Variants in DAB1 observed in about 807,000 individuals in gnomAD.
The protein encoded by DAB1 is disabled homolog 1.
A neutral mutation model predicts 64.6 loss-of-function variants in DAB1; 15 were observed. That is an observed-to-expected ratio of 0.23 (90% CI 0.16 to 0.36). The LOEUF is 0.36. DAB1 is among the 10% of genes least tolerant of loss of function. The pLI, the probability that DAB1 is intolerant of heterozygous loss-of-function variation, is 1.00. For synonymous variants in DAB1, 235 were observed against 251.9 expected (o/e 0.93, Z 0.64); for missense variants, 596 against 706.7 (o/e 0.84, Z 1.78).
intron 5 of DAB1, among the ~76,000 whole-genome samples, chr1:58,004,190 A>T (rs1219536761): frequency 6.6e-6 from 1 of 152,182 alleles, no homozygotes; most frequent in Non-Finnish European, 1.5e-5. Flanking sequence ...TCTTACATTT[A>T]TTCTTCACAG....
In DAB1 at chr1:58,196,794, A is replaced by C. The variant is rs145967780; in HGVS notation, n.310-46206T>G. Among the ~76,000 whole-genome samples, 69 of 152,236 alleles carry C rather than the reference A, an allele frequency of 4.5e-4. 1 individual carries two copies. The highest frequency in any genetic ancestry group is 1.5e-3 in the African/African-American group (64 of 41,536). ...CGGGGGAAACCACCCCCATGATCCA[A>C]TCATCTCCCACCAGATTCCTCCCTG... On this transcript the variant is annotated intron_variant and non_coding_transcript_variant, in intron 4 of 20. Coordinates refer to the DAB1 transcript ENST00000485760.
At chr1:57,794,186 T>C (rs1650732259) in intron 6 of DAB1, among the ~76,000 whole-genome samples, 1 of 152,220 alleles carries the variant, frequency 6.6e-6, no homozygotes, top group African/African-American at 2.4e-5. Flanking sequence ...AGATTTGGGT[T>C]GCTGGTTGCT....
At chr1:58,169,414 CAT>C (rs1656041078) in intron 4 of DAB1, among the ~76,000 whole-genome samples, 1 of 152,128 alleles carries the variant, frequency 6.6e-6, no homozygotes, top group African/African-American at 2.4e-5. Context: ...AAATGGGAAA[CAT>C]TCAGGCATCA....
At chr1:58,323,049 T>A (rs1482763937) in intron 4 of DAB1, among the ~76,000 whole-genome samples, 1 of 149,540 alleles carries the variant, frequency 6.7e-6, no homozygotes, top group South Asian at 2.1e-4. Context: ...ATGAGAACAC[T>A]TGGGCACAGG....
intron 7 of DAB1, among the ~76,000 whole-genome samples, chr1:57,529,363 G>C (rs978453105): frequency 1.3e-5 from 2 of 152,008 alleles, no homozygotes; most frequent in African/African-American, 4.8e-5. Context: ...CAAGATGAAA[G>C]ATTTAAATCC....
chr1:58,403,933 T>C (rs184546771), intron 3 of DAB1, among the ~76,000 whole-genome samples: 11 of 152,310 alleles, frequency 7.2e-5, no homozygotes, highest in Middle Eastern at 3.4e-3. Flanking sequence ...GTGAACAGAA[T>C]AGTAGAAAAG....
intron 7 of DAB1, among the ~76,000 whole-genome samples, chr1:57,600,103 C>T (rs1026210522): frequency 6.6e-6 from 1 of 152,088 alleles, no homozygotes; most frequent in Non-Finnish European, 1.5e-5. Flanking sequence ...GTCTCTGTGC[C>T]CCCTTAGTGA....
intron 7 of DAB1, among the ~76,000 whole-genome samples, chr1:57,459,607 T>G (rs1686712913): frequency 6.6e-6 from 1 of 152,190 alleles, no homozygotes; most frequent in African/African-American, 2.4e-5. Flanking sequence ...TCTTGGACAT[T>G]AAACTAGAAG....
chr1:57,209,353 C>A (rs2100322144), intron 2 of DAB1, among the ~76,000 whole-genome samples: 1 of 152,320 alleles, frequency 6.6e-6, no homozygotes, highest in Middle Eastern at 3.4e-3. Flanking sequence ...TAAAAATATG[C>A]TCTTCCGCTG....
intron 5 of DAB1, among the ~76,000 whole-genome samples, chr1:57,917,715 G>A (rs1644748198): frequency 6.6e-6 from 1 of 152,104 alleles, no homozygotes; most frequent in South Asian, 2.1e-4. Flanking sequence ...TGTCCTTAAA[G>A]TCTTTAAAGT....
At chr1:57,179,513 T>C (rs1250553928) in intron 2 of DAB1, among the ~76,000 whole-genome samples, 2 of 152,224 alleles carry the variant, frequency 1.3e-5, no homozygotes, top group Admixed American at 6.5e-5. Context: ...CAGATGCACA[T>C]TGTATATCTG....
chr1:57,969,467 C>T (rs1055832899), intron 5 of DAB1, among the ~76,000 whole-genome samples: 6 of 152,074 alleles, frequency 3.9e-5, no homozygotes, highest in South Asian at 4.1e-4. Flanking sequence ...CTCAGCCTCC[C>T]GAGTAGAATA....
chr1:58,435,836 T>C (rs953572055), intron 3 of DAB1, among the ~76,000 whole-genome samples: 3 of 152,266 alleles, frequency 2.0e-5, no homozygotes, highest in Non-Finnish European at 4.4e-5. Context: ...CAGCTAACCT[T>C]AGCACGTCTG....
intron 5 of DAB1, among the ~76,000 whole-genome samples, chr1:57,950,018 T>C (rs1177765969): frequency 1.3e-5 from 2 of 152,160 alleles, no homozygotes; most frequent in Admixed American, 1.3e-4. Context: ...TCAGATAAAA[T>C]GTCACTCTGC....
chr1:57,583,285 CT>C (rs1429844972), intron 7 of DAB1, among the ~76,000 whole-genome samples: 3 of 144,676 alleles, frequency 2.1e-5, no homozygotes, highest in Non-Finnish European at 4.5e-5. Context: ...TGTTTTTTTT[CT>C]TTTCTTTTTT....
At chr1:58,426,535 G>A (rs1644823297) in intron 3 of DAB1, among the ~76,000 whole-genome samples, 1 of 152,200 alleles carries the variant, frequency 6.6e-6, no homozygotes. Flanking sequence ...GGGAGCCAAT[G>A]GCGTGGTTCT....
intron 6 of DAB1, among the ~76,000 whole-genome samples, chr1:57,754,615 G>A (rs1381360911): frequency 6.6e-6 from 1 of 151,490 alleles, no homozygotes; most frequent in South Asian, 2.1e-4. Flanking sequence ...GAAAAAAAAC[G>A]GGAGGCGGAG....
intron 3 of DAB1, among the ~76,000 whole-genome samples, chr1:58,452,945 C>T (rs1396082804): frequency 6.6e-6 from 1 of 152,072 alleles, no homozygotes; most frequent in Non-Finnish European, 1.5e-5. Flanking sequence ...AAAGTATATT[C>T]ACACAAAATC....
chr1:57,063,557 T>C (rs1392863799), intron 8 of DAB1, among the ~76,000 whole-genome samples: 1 of 152,150 alleles, frequency 6.6e-6, no homozygotes, highest in East Asian at 1.9e-4. Context: ...CTTCCTCCCT[T>C]CCCTTACTCA....
Sources: allele counts gnomAD v4.1 joint callset (sites outside exome capture counted in the v4.1 genomes callset), GRCh38; gene constraint gnomAD v4.1.1; transcripts MANE v1.5; gene names NCBI Gene and HGNC (gene_info 2026-07-23, HGNC 2026-07-21).